The following RAD54L2 variants were observed in gnomAD, a reference collection of about 807,000 sequenced individuals.
RAD54L2 encodes RAD54 like 2, also known as helicase ARIP4.
Under a neutral mutation model 138.4 loss-of-function variants are expected in RAD54L2, and 27 were observed. The observed-to-expected ratio is 0.20, with a 90% CI of 0.14 to 0.27. The LOEUF is 0.27. Among genes scored for constraint, RAD54L2 ranks in the 10% least tolerant of loss-of-function variants. The pLI is 1.00. For missense variants in RAD54L2, 1,396 were observed against 1,890.2 expected, an observed-to-expected ratio of 0.74 and a Z score of 4.85; for synonymous variants, 644 against 723.2, an observed-to-expected ratio of 0.89 and a Z score of 1.76.
At position 51,635,571 on chromosome 3, in the gene RAD54L2, A is replaced by G. The variant is rs201727712; in HGVS notation, c.1143-22A>G. 7.6e-6 allele frequency: 12 copies of G among 1,580,764 alleles called. No individual in the cohort carries two copies. In the East Asian group the frequency reaches 1.6e-4, roughly 21 times the overall value. On this transcript the variant is annotated intron_variant, in intron 9 of 22. Coordinates refer to ENST00000684192, the MANE Select transcript of RAD54L2 (RefSeq NM_015106.4). The stretch of plus-strand genomic sequence containing the variant: ...TGAGATATAATTCACATCTCACACA[A>G]TTTTCTCTGTTCATCTTGCAGGACG...
In RAD54L2 at chr3:51,626,436, C is replaced by CTTTTTTTTT. The variant is rs768354274; in HGVS notation, c.140-1099_140-1091dup. On this transcript the variant is annotated intron_variant, in intron 3 of 22. Coordinates refer to ENST00000684192, the MANE Select transcript of RAD54L2 (RefSeq NM_015106.4). ...TGACATCCCCTGGACCCCCAACGAT[C>CTTTTTTTTT]TTTTTTTTTTTTTTTTTTTTTTTTT... is the stretch of plus-strand genomic sequence containing the variant. 5.6e-3 allele frequency among the ~76,000 whole-genome samples: 220 copies of CTTTTTTTTT among 39,388 alleles called. 86 individuals are homozygous for CTTTTTTTTT. The highest frequency in any genetic ancestry group is 0.012 in the African/African-American group (107 of 8,968). 25.8% of individuals were successfully genotyped at this position (39,388 alleles called of 152,430 possible).
intron 9 of RAD54L2, among the ~76,000 whole-genome samples, chr3:51,635,028 G>T (rs1258576343): frequency 4.6e-5 from 7 of 152,154 alleles, no homozygotes; most frequent in Admixed American, 6.5e-5. Context: ...ATGATTAGTT[G>T]ACCTCACAGG....
intron 2 of RAD54L2, among the ~76,000 whole-genome samples, chr3:51,577,671 T>C (rs1001590533): frequency 5.9e-5 from 9 of 152,224 alleles, no homozygotes; most frequent in Admixed American, 3.3e-4. Flanking sequence ...TTGCAACCCC[T>C]GCTTTTTTTG....
At chr3:51,548,185 C>T (rs1035158133) in intron 2 of RAD54L2, among the ~76,000 whole-genome samples, 29 of 149,764 alleles carry the variant, frequency 1.9e-4, no homozygotes, top group Admixed American at 1.0e-3. Context: ...TGAGCCACTG[C>T]GCCGGCCACT....
intron 2 of RAD54L2, among the ~76,000 whole-genome samples, chr3:51,579,738 A>C (rs1043587025): frequency 6.6e-6 from 1 of 152,220 alleles, no homozygotes; most frequent in African/African-American, 2.4e-5. Context: ...GCTATATCAC[A>C]GGCAAACAAA....
chr3:51,588,534 C>CAAAA (rs71633079), intron 2 of RAD54L2, among the ~76,000 whole-genome samples: 35 of 49,320 alleles, frequency 7.1e-4, no homozygotes, highest in African/African-American at 1.2e-3. Flanking sequence ...AACTGCATCT[C>CAAAA]AAAAAAAAAA....
At chr3:51,559,319 T>C (rs1017965984) in intron 2 of RAD54L2, among the ~76,000 whole-genome samples, 5 of 152,230 alleles carry the variant, frequency 3.3e-5, no homozygotes, top group African/African-American at 1.2e-4. Context: ...TGAATCTTAA[T>C]GAGGGTAGAA....
In RAD54L2 at chr3:51,666,267, T is replaced by C. The variant is rs768437062; in HGVS notation, c.*2847T>C. On this transcript the variant is annotated 3_prime_UTR_variant, in exon 23 of 23. Transcript: ENST00000684192. The stretch of plus-strand genomic sequence containing the variant: ...TCCACTGTCTCTTTATATGTGCTGA[T>C]AGGCAAATGTGCATGCACACCAAAC... 2.8e-5 allele frequency: 4 copies of C among 145,132 alleles called. No individual in the cohort carries two copies. The highest frequency in any genetic ancestry group is 5.2e-5 in the African/African-American group (2 of 38,752). The allele number at this position is 145,132 out of a possible 1,614,324, so 9.0% of individuals were successfully genotyped here. A position where few individuals can be genotyped will look rare whatever the true frequency, so the allele number is the denominator to read the frequency against.
Position 51,663,374 on chromosome 3 carries a change from A to G in RAD54L2, c.4358A>G (p.Asp1453Gly). 1 of 1,613,834 alleles carries G rather than the reference A, an allele frequency of 6.2e-7. No individual in the cohort carries two copies. The highest frequency in any genetic ancestry group is 8.5e-7 in the Non-Finnish European group (1 of 1,179,870). Residue 1453 changes from aspartate (D) to glycine (G), a missense_variant, in exon 23 of 23, where the codon GAT becomes GGT. By Grantham distance (94) the Asp-to-Gly change is moderately conservative. Around this residue, in one of 7 missense-constraint regions of RAD54L2, gnomAD observed 634 missense variants for 711.2 expected, o/e 0.89. Coordinates refer to ENST00000684192, the MANE Select transcript of RAD54L2 (RefSeq NM_015106.4). ...GCCGAGGTTGGGTTCAGCTCCAATGATGATGAGGATAAAGACGATGATGTG... is the reference window on the plus strand; with the variant it reads ...GCCGAGGTTGGGTTCAGCTCCAATGGTGATGAGGATAAAGACGATGATGTG... ...EVAEVGFSSN[D>G]DEDKDDDVIE...
At position 51,668,596 on chromosome 3, in the gene RAD54L2, AAGTC is replaced by A. The variant is rs1701959647; in HGVS notation, c.*5180_*5183del. Reference sequence around the variant, plus strand: ...AAAAAAAAGCAAACAGAACAATTGTAAGTCAGTATAACTGCCTATCAGTTTTCTT... The same window carrying A: ...AAAAAAAAGCAAACAGAACAATTGTAAGTATAACTGCCTATCAGTTTTCTT... On this transcript the variant is annotated 3_prime_UTR_variant, in exon 23 of 23. Coordinates refer to ENST00000684192, the MANE Select transcript of RAD54L2 (RefSeq NM_015106.4). 6.6e-6 allele frequency: 1 copy of A among 152,346 alleles called. No homozygotes were observed. The highest frequency in any genetic ancestry group is 2.4e-5 in the African/African-American group (1 of 41,576). The allele number at this position is 152,346 out of a possible 1,614,324, so 9.4% of individuals were successfully genotyped here.
At chr3:51,540,914 G>T (rs782299403) in intron 1 of RAD54L2, among the ~76,000 whole-genome samples, 1 of 151,840 alleles carries the variant, frequency 6.6e-6, no homozygotes, top group Admixed American at 6.6e-5. Context: ...GGTGGCATGT[G>T]CCTGTAGTCC....
chr3:51,598,149 A>ATG (rs778223606), intron 3 of RAD54L2, among the ~76,000 whole-genome samples: 14,529 of 128,046 alleles, frequency 0.11, 976 homozygotes, highest in East Asian at 0.27. Context: ...GTATATATAT[A>ATG]TGTGTGTGTG....
Position 51,657,648 on chromosome 3 carries a change from C to T in RAD54L2, c.3295C>T (p.His1099Tyr), listed in dbSNP as rs758336705. Residue 1099 changes from histidine to tyrosine, a missense_variant, in exon 21 of 23, where the codon CAC (histidine) becomes TAC (tyrosine). Coordinates refer to ENST00000684192, the MANE Select transcript of RAD54L2 (RefSeq NM_015106.4). ...QARINAGESI[H>Y]IIRGTKGTYI... ...AAGAATTAATGCTGGTGAGAGCATCCACATCATCCGTGGGACAAAAGGTAA... is the reference window on the plus strand; with the variant it reads ...AAGAATTAATGCTGGTGAGAGCATCTACATCATCCGTGGGACAAAAGGTAA... 3.8e-6 allele frequency: 6 copies of T among 1,576,968 alleles called. No individual in the cohort carries two copies. Among genetic ancestry groups the T allele is most frequent in the Non-Finnish European group, 5.2e-6 (6 of 1,158,648 alleles).
At chr3:51,652,703 T>C (rs1701475523) in intron 19 of RAD54L2, among the ~76,000 whole-genome samples, 2 of 152,100 alleles carry the variant, frequency 1.3e-5, no homozygotes, top group Non-Finnish European at 2.9e-5. Flanking sequence ...TAATAAATGG[T>C]GCTGGAAAAA....
chr3:51,627,067 G>A (rs893440298), intron 3 of RAD54L2, among the ~76,000 whole-genome samples: 4 of 152,116 alleles, frequency 2.6e-5, no homozygotes, highest in Admixed American at 6.5e-5. Context: ...CCCTTGAAGC[G>A]TCTAGGATAT....
At chr3:51,582,997 C>G (rs1699641595) in intron 2 of RAD54L2, among the ~76,000 whole-genome samples, 1 of 152,150 alleles carries the variant, frequency 6.6e-6, no homozygotes, top group Non-Finnish European at 1.5e-5. Context: ...GATCTCCTGA[C>G]CTCGTGATCT....
chr3:51,588,185 C>CAAA (rs987919898), intron 2 of RAD54L2, among the ~76,000 whole-genome samples: 13 of 12,710 alleles, frequency 1.0e-3, no homozygotes, highest in Non-Finnish European at 1.5e-3. Context: ...GACTCCATCT[C>CAAA]AAAAAAAAAA....
At chr3:51,660,152 A>T in intron 22 of RAD54L2, 34 bp downstream of exon 22, 1 of 1,532,590 alleles carries the variant, frequency 6.5e-7, no homozygotes, top group South Asian at 1.2e-5. Context: ...TTTACTTTTC[A>T]AACAACATTT....
At position 51,656,148 on chromosome 3, in the gene RAD54L2, G is replaced by C. The variant is rs904194355; in HGVS notation, c.3204G>C (p.Val1068=). Residue 1068 remains valine, a synonymous_variant, in exon 20 of 23, where the codon GTG becomes GTC. Coordinates refer to ENST00000684192, the MANE Select transcript of RAD54L2 (RefSeq NM_015106.4). ...INYLQRAGVL[V]QKVVTTTDIV... ...ACTTGCAGCGTGCAGGAGTCCTTGT[G>C]CAGAAGGTGGTCACCACGACAGGTG... 11 of 1,611,300 alleles carry C rather than the reference G, an allele frequency of 6.8e-6. No homozygotes were observed. Among genetic ancestry groups the C allele is most frequent in the Non-Finnish European group, 8.5e-6 (10 of 1,177,826 alleles).
Sources: allele counts gnomAD v4.1 joint callset (sites outside exome capture counted in the v4.1 genomes callset), GRCh38; gene constraint gnomAD v4.1.1; regional missense constraint gnomAD v4.1.1; transcripts MANE v1.5; gene names NCBI Gene and HGNC (gene_info 2026-07-23, HGNC 2026-07-21).